Variants in PARD3B observed in about 807,000 individuals in gnomAD.
PARD3B encodes partitioning defective 3 homolog B.
A neutral mutation model predicts 130.2 loss-of-function variants in PARD3B; 103 were observed. That is an observed-to-expected ratio of 0.79 (90% CI 0.67 to 0.93). The LOEUF (loss-of-function observed/expected upper bound fraction) is 0.93, where lower values mean the gene tolerates loss of function less well. Among genes scored for constraint, PARD3B ranks in the 40% least tolerant of loss-of-function variants. The probability of loss-of-function intolerance (pLI) is 0.00; values close to 1 mark genes in which losing one functional copy is unlikely to be tolerated. For missense variants in PARD3B, 1,609 were observed against 1,499.2 expected, an observed-to-expected ratio of 1.07 and a Z score of -1.21; for synonymous variants, 583 against 553.2, an observed-to-expected ratio of 1.05 and a Z score of -0.76.
intron 22 of PARD3B, among the ~76,000 whole-genome samples, chr2:205,580,332 G>T (rs1053829177): frequency 6.6e-6 from 1 of 152,098 alleles, no homozygotes; most frequent in East Asian, 1.9e-4. Flanking sequence ...TCAGCAGAGG[G>T]CCCCTGGAAG....
chr2:204,598,563 A>G (rs2033387344), intron 1 of PARD3B, among the ~76,000 whole-genome samples: 1 of 152,144 alleles, frequency 6.6e-6, no homozygotes, highest in African/African-American at 2.4e-5. Context: ...ATTAATATTT[A>G]TAAAAGATTA....
chr2:205,582,425 G>T (rs2054021326), intron 22 of PARD3B, among the ~76,000 whole-genome samples: 1 of 152,096 alleles, frequency 6.6e-6, no homozygotes. Context: ...AAGTAATCAT[G>T]TTTCATCTAT....
chr2:204,867,488 C>T (rs577031039), intron 2 of PARD3B, among the ~76,000 whole-genome samples: 1 of 152,222 alleles, frequency 6.6e-6, no homozygotes, highest in African/African-American at 2.4e-5. Context: ...TGCATCATCC[C>T]CGAGCACCAT....
intron 2 of PARD3B, among the ~76,000 whole-genome samples, chr2:204,917,925 T>G (rs1474899159): frequency 6.6e-6 from 1 of 152,156 alleles, no homozygotes; most frequent in Non-Finnish European, 1.5e-5. Context: ...TGATTAAATA[T>G]TAGAATTTGC....
intron 22 of PARD3B, among the ~76,000 whole-genome samples, chr2:205,594,472 AT>A (rs946327154): frequency 4.6e-5 from 7 of 152,150 alleles, no homozygotes; most frequent in African/African-American, 1.4e-4. Flanking sequence ...AGAGAGCAAG[AT>A]TTATTCACAT....
At chr2:205,208,310 A>G (rs2037431906) in intron 15 of PARD3B, among the ~76,000 whole-genome samples, 2 of 113,020 alleles carry the variant, frequency 1.8e-5, no homozygotes, top group East Asian at 2.3e-4. Flanking sequence ...AACTGGCACA[A>G]GACAGGGATG....
At chr2:204,950,853 C>G (rs565993182) in intron 2 of PARD3B, among the ~76,000 whole-genome samples, 51 of 152,142 alleles carry the variant, frequency 3.4e-4, no homozygotes, top group Non-Finnish European at 3.7e-4. Context: ...GTTTTTTAAA[C>G]CACAATCTGG....
chr2:204,778,461 A>G (rs751019055), intron 2 of PARD3B, among the ~76,000 whole-genome samples: 1 of 152,220 alleles, frequency 6.6e-6, no homozygotes, highest in African/African-American at 2.4e-5. Context: ...GACACGAAAA[A>G]TGCAGAGAGG....
chr2:204,692,089 G>A (rs1269052362), intron 2 of PARD3B, among the ~76,000 whole-genome samples: 2 of 152,082 alleles, frequency 1.3e-5, no homozygotes, highest in Non-Finnish European at 2.9e-5. Flanking sequence ...ATTGCTTTCT[G>A]AACACTCTGT....
intron 15 of PARD3B, among the ~76,000 whole-genome samples, chr2:205,237,656 A>G (rs1489030766): frequency 1.3e-5 from 2 of 152,172 alleles, no homozygotes; most frequent in African/African-American, 2.4e-5. Context: ...TATTTCAAGT[A>G]TACTACGTGA....
In PARD3B at chr2:205,341,861, C is replaced by T. The variant is rs1248207813; in HGVS notation, c.2630+40160C>T. ...TACTCCTAAATATGTACAATTATTA[C>T]ACATCAACTAAAAATAAAAGGAAAA... is the stretch of plus-strand genomic sequence containing the variant. On this transcript the variant is annotated intron_variant, in intron 18 of 22. Coordinates refer to ENST00000406610, the MANE Select transcript of PARD3B (RefSeq NM_001302769.2). The surrounding 1 kb of genome is among the most constrained non-coding windows in gnomAD (Gnocchi z 4.3). Among the ~76,000 whole-genome samples the T allele has an allele frequency of 6.6e-6, 1 of 151,900 alleles. No individual in the cohort carries two copies. The highest frequency in any genetic ancestry group is 1.5e-5 in the Non-Finnish European group (1 of 67,930).
chr2:204,848,679 C>G (rs1559195737), intron 2 of PARD3B, among the ~76,000 whole-genome samples: 1 of 151,462 alleles, frequency 6.6e-6, no homozygotes, highest in South Asian at 2.1e-4. Flanking sequence ...GTCTGTGTAT[C>G]TATCTATTAT....
intron 15 of PARD3B, among the ~76,000 whole-genome samples, chr2:205,204,949 T>A (rs2037201421): frequency 6.6e-6 from 1 of 152,226 alleles, no homozygotes; most frequent in Admixed American, 6.5e-5. Context: ...TTTGGTTCCA[T>A]ATGAAATTTA....
intron 16 of PARD3B, among the ~76,000 whole-genome samples, chr2:205,295,033 T>G (rs1231217028): frequency 6.6e-6 from 1 of 152,124 alleles, no homozygotes; most frequent in African/African-American, 2.4e-5. Context: ...GGATTTGCAA[T>G]GATATCAAGT....
At chr2:205,215,373 T>C (rs2037854919) in intron 15 of PARD3B, among the ~76,000 whole-genome samples, 1 of 151,964 alleles carries the variant, frequency 6.6e-6, no homozygotes, top group Admixed American at 6.6e-5. Flanking sequence ...GCTTTAATAA[T>C]CGCTCCCTAT....
chr2:205,571,158 T>C (rs2053547883), intron 22 of PARD3B, among the ~76,000 whole-genome samples: 1 of 152,198 alleles, frequency 6.6e-6, no homozygotes, highest in Admixed American at 6.5e-5. Context: ...TCAAATAAAA[T>C]ACTGATCAAT....
chr2:205,019,781 T>A (rs1024079962), intron 3 of PARD3B, among the ~76,000 whole-genome samples: 1 of 152,166 alleles, frequency 6.6e-6, no homozygotes, highest in Admixed American at 6.6e-5. Flanking sequence ...GCGGAAACTT[T>A]GTTTCAAAGT....
chr2:204,758,899 A>G (rs996237291), intron 2 of PARD3B, among the ~76,000 whole-genome samples: 2 of 152,166 alleles, frequency 1.3e-5, no homozygotes, highest in Non-Finnish European at 2.9e-5. Flanking sequence ...TGGCCTTACA[A>G]TATTTCTTAT....
intron 2 of PARD3B, 57 bp downstream of exon 2, chr2:204,686,339 A>C (rs540220203): frequency 8.0e-7 from 1 of 1,250,560 alleles, no homozygotes; most frequent in East Asian, 2.3e-5. Flanking sequence ...GCATGTTTTC[A>C]AGAGACTGAA....
Sources: gnomAD v4.1 joint callset for allele counts (sites outside exome capture counted in the v4.1 genomes callset) on GRCh38, gnomAD v4.1.1 for gene constraint, Gnocchi (gnomAD v3.1) non-coding constraint, MANE v1.5 for transcripts, NCBI Gene and HGNC (gene_info 2026-07-23, HGNC 2026-07-21) for gene names.